TRPM3: variants seen among roughly 807,000 people sequenced by gnomAD.
TRPM3 encodes the protein transient receptor potential cation channel subfamily M member 3.
In TRPM3, 77 loss-of-function variants were observed where a neutral mutation model predicts 181.2. That is an observed-to-expected ratio of 0.42 (90% CI 0.35 to 0.51). The LOEUF (loss-of-function observed/expected upper bound fraction) is 0.51, where lower values mean the gene tolerates loss of function less well. Ranked by LOEUF, TRPM3 falls within the 20% of genes least tolerant of loss-of-function variation. TRPM3 has a pLI of 0.01. For synonymous variants in TRPM3, 745 were observed against 796.4 expected (o/e 0.94, Z 1.09); for missense variants, 1,759 against 2,196.7 (o/e 0.80, Z 3.98).
chr9:71,245,006 T>G (rs1588115757), intron 1 of TRPM3, among the ~76,000 whole-genome samples: 1 of 151,902 alleles, frequency 6.6e-6, no homozygotes, highest in African/African-American at 2.4e-5. Context: ...ACATTTGGGG[T>G]TGCTCGAACA....
In TRPM3 at chr9:70,921,934, C is replaced by A. The variant is rs867158853; in HGVS notation, c.178-57423G>T. 5.8e-5 allele frequency among the ~76,000 whole-genome samples: 7 copies of A among 119,942 alleles called. No individual in the cohort carries two copies. In the East Asian group the frequency reaches 6.6e-4, roughly 11 times the overall value. The allele number at this position is 119,942 out of a possible 152,430, so 78.7% of individuals were successfully genotyped here. A position where few individuals can be genotyped will look rare whatever the true frequency, so the allele number is the denominator to read the frequency against. ...CAGCCACTATACACACACACACACA[C>A]ACAAACAAACACACACACACACACA... On this transcript the variant is annotated intron_variant, in intron 1 of 25. Coordinates refer to ENST00000677713, the MANE Select transcript of TRPM3 (RefSeq NM_001366145.2).
chr9:70,594,109 G>C (rs2058591918), intron 21 of TRPM3, among the ~76,000 whole-genome samples: 1 of 125,442 alleles, frequency 8.0e-6, no homozygotes, highest in South Asian at 2.7e-4. Flanking sequence ...CAAAATAAAG[G>C]CTTCCTAAAT....
At chr9:71,119,986 G>A (rs1366330296) in intron 1 of TRPM3, among the ~76,000 whole-genome samples, 1 of 152,180 alleles carries the variant, frequency 6.6e-6, no homozygotes, top group African/African-American at 2.4e-5. Flanking sequence ...TTTGTTGAAA[G>A]TTAATACCAG....
chr9:70,700,362 T>C (rs1234806163), intron 8 of TRPM3, among the ~76,000 whole-genome samples: 2 of 152,128 alleles, frequency 1.3e-5, no homozygotes, highest in Non-Finnish European at 2.9e-5. Flanking sequence ...TTCCATCCTT[T>C]TTGACTCAAA....
At chr9:71,446,599 G>T in intron 1 of TRPM3, 1 of 1,517,562 alleles carries the variant, frequency 6.6e-7, no homozygotes, top group Admixed American at 2.0e-5. Context: ...GGCTCAAGTC[G>T]CGTGCGAAGG....
At chr9:71,149,849 G>T (rs895039513) in intron 1 of TRPM3, among the ~76,000 whole-genome samples, 5 of 152,002 alleles carry the variant, frequency 3.3e-5, no homozygotes, top group Non-Finnish European at 5.9e-5. Context: ...CTGTGGTCCA[G>T]CTACTTGGGA....
intron 1 of TRPM3, among the ~76,000 whole-genome samples, chr9:71,128,128 C>G (rs1434097176): frequency 6.6e-6 from 1 of 152,126 alleles, no homozygotes; most frequent in Non-Finnish European, 1.5e-5. Flanking sequence ...GAGAAGAGAC[C>G]CACCTCTGAC....
chr9:70,851,319 T>G (rs2095221838), intron 3 of TRPM3, among the ~76,000 whole-genome samples: 1 of 152,226 alleles, frequency 6.6e-6, no homozygotes, highest in Non-Finnish European at 1.5e-5. Flanking sequence ...TCACATAGTG[T>G]GAAGGGAGAT....
intron 1 of TRPM3, among the ~76,000 whole-genome samples, chr9:71,020,179 T>C (rs1218456784): frequency 6.6e-6 from 1 of 151,668 alleles, no homozygotes; most frequent in Non-Finnish European, 1.5e-5. Context: ...GAAAAGTTGA[T>C]ACACTGGACA....
intron 1 of TRPM3, among the ~76,000 whole-genome samples, chr9:70,963,990 G>A (rs565173380): frequency 2.0e-5 from 3 of 152,072 alleles, no homozygotes; most frequent in Non-Finnish European, 4.4e-5. Flanking sequence ...TTTGGCTAGG[G>A]AGGTTTCTAA....
intron 1 of TRPM3, among the ~76,000 whole-genome samples, chr9:71,330,386 C>T (rs1421511574): frequency 1.3e-5 from 2 of 151,826 alleles, no homozygotes; most frequent in African/African-American, 4.8e-5. Flanking sequence ...TAGATTCACA[C>T]ATAAATGGCA....
intron 8 of TRPM3, among the ~76,000 whole-genome samples, chr9:70,755,699 C>G (rs2076959305): frequency 6.6e-6 from 1 of 152,094 alleles, no homozygotes; most frequent in South Asian, 2.1e-4. Context: ...ATTTTCAACC[C>G]AGAATTTCAT....
chr9:70,955,274 G>A (rs1312459087), intron 1 of TRPM3, among the ~76,000 whole-genome samples: 1 of 152,150 alleles, frequency 6.6e-6, no homozygotes, highest in Non-Finnish European at 1.5e-5. Context: ...GACACTTGTT[G>A]GAGGCTGTTT....
intron 11 of TRPM3, among the ~76,000 whole-genome samples, chr9:70,638,166 C>A (rs1237328123): frequency 6.6e-6 from 1 of 152,118 alleles, no homozygotes; most frequent in Non-Finnish European, 1.5e-5. Flanking sequence ...TGTGAGGACA[C>A]AGCATTTGTC....
chr9:70,674,504 C>G (rs957238973), intron 9 of TRPM3, among the ~76,000 whole-genome samples: 5 of 152,082 alleles, frequency 3.3e-5, no homozygotes, highest in African/African-American at 1.2e-4. Flanking sequence ...TCTGCATTTT[C>G]TAGTTAATAG....
chr9:70,987,603 C>G (rs1488338343), intron 1 of TRPM3, among the ~76,000 whole-genome samples: 4 of 152,050 alleles, frequency 2.6e-5, no homozygotes, highest in African/African-American at 4.8e-5. Flanking sequence ...CCTAATAGAA[C>G]TTGTGAAAAC....
intron 3 of TRPM3, among the ~76,000 whole-genome samples, chr9:70,858,894 C>T (rs2095453044): frequency 6.6e-6 from 1 of 152,132 alleles, no homozygotes; most frequent in East Asian, 1.9e-4. Flanking sequence ...CAGGTGGTCC[C>T]TGGTCCTACC....
chr9:70,565,187 C>T (rs2050229350), intron 22 of TRPM3, among the ~76,000 whole-genome samples: 1 of 152,240 alleles, frequency 6.6e-6, no homozygotes, highest in South Asian at 2.1e-4. Flanking sequence ...TGACAGCACA[C>T]CCTTGTATAG....
At chr9:70,840,201 A>T (rs1407949541) in intron 5 of TRPM3, among the ~76,000 whole-genome samples, 5 of 152,202 alleles carry the variant, frequency 3.3e-5, no homozygotes, top group Non-Finnish European at 5.9e-5. Context: ...TTATAACTTG[A>T]AAAACTAACT....
Sources: gnomAD v4.1 joint callset for allele counts (sites outside exome capture counted in the v4.1 genomes callset) on GRCh38, gnomAD v4.1.1 for gene constraint, MANE v1.5 for transcripts, NCBI Gene and HGNC (gene_info 2026-07-23, HGNC 2026-07-21) for gene names.